MAF: variants seen among roughly 807,000 people sequenced by gnomAD.
MAF encodes the protein MAF bZIP transcription factor.
Under a neutral mutation model 22.0 loss-of-function variants are expected in MAF, and 10 were observed. That is an observed-to-expected ratio of 0.45 (90% confidence interval 0.28 to 0.77). The LOEUF is 0.77. Ranked by LOEUF, MAF falls within the 30% of genes least tolerant of loss-of-function variation. MAF has a pLI of 0.12. For missense variants in MAF, 544 were observed against 548.4 expected (o/e 0.99, Z 0.08); for synonymous variants, 337 against 255.8 (o/e 1.32, Z -3.03).
the MAF span, among the ~76,000 whole-genome samples, chr16:79,437,502 T>A: frequency 6.6e-6 from 1 of 151,964 alleles, no homozygotes; most frequent in African/African-American, 2.4e-5. Flanking sequence ...TTGCATCCCA[T>A]TTTACAGTGA....
chr16:79,516,178 C>T, the MAF span: 2 of 152,070 alleles, frequency 1.3e-5, no homozygotes, highest in Non-Finnish European at 1.5e-5. Flanking sequence ...TCGAACAGGT[C>T]CAAGCTGGGC....
At chr16:79,574,826 G>A in the MAF span, among the ~76,000 whole-genome samples, 1 of 152,108 alleles carries the variant, frequency 6.6e-6, no homozygotes, top group African/African-American at 2.4e-5. Context: ...AGATGAAGCA[G>A]GGGAAATGCA....
At chr16:79,359,708 G>C in the MAF span, among the ~76,000 whole-genome samples, 2 of 152,098 alleles carry the variant, frequency 1.3e-5, no homozygotes, top group Non-Finnish European at 2.9e-5. Context: ...CAAGAGCTTG[G>C]GGGTCAAGCA....
At chr16:79,256,566 G>A in the MAF span, among the ~76,000 whole-genome samples, 1 of 152,118 alleles carries the variant, frequency 6.6e-6, no homozygotes, top group Admixed American at 6.5e-5. Flanking sequence ...GCGTACCTGA[G>A]TTGACAGTGA....
At chr16:79,479,019 AC>A in the MAF span, among the ~76,000 whole-genome samples, 2 of 151,426 alleles carry the variant, frequency 1.3e-5, no homozygotes, top group African/African-American at 4.9e-5. Flanking sequence ...CCTGTGCACC[AC>A]CCCAGCGTAT....
At chr16:79,215,709 A>C in the MAF span, among the ~76,000 whole-genome samples, 1 of 152,174 alleles carries the variant, frequency 6.6e-6, no homozygotes, top group African/African-American at 2.4e-5. Flanking sequence ...GGCTTCATAC[A>C]TTCATTCATT....
the MAF span, among the ~76,000 whole-genome samples, chr16:79,497,596 G>T: frequency 2.0e-5 from 3 of 152,328 alleles, no homozygotes; most frequent in Admixed American, 2.0e-4. Context: ...CAGGCCTCAT[G>T]TGGGTCTACA....
the MAF span, among the ~76,000 whole-genome samples, chr16:79,285,128 C>A: frequency 1.3e-5 from 2 of 152,090 alleles, no homozygotes; most frequent in Non-Finnish European, 2.9e-5. Context: ...AGTTCCTGAC[C>A]CATTTAAATT....
chr16:79,447,604 G>C, the MAF span, among the ~76,000 whole-genome samples: 1 of 152,144 alleles, frequency 6.6e-6, no homozygotes, highest in African/African-American at 2.4e-5. Flanking sequence ...CTTCTGGAAA[G>C]TATTCACCGT....
At chr16:79,422,060 G>A in the MAF span, among the ~76,000 whole-genome samples, 9 of 152,200 alleles carry the variant, frequency 5.9e-5, no homozygotes, top group African/African-American at 2.2e-4. Context: ...TTACAGGTGT[G>A]AGCCACCACG....
chr16:79,549,507 G>C, the MAF span, among the ~76,000 whole-genome samples: 5 of 152,236 alleles, frequency 3.3e-5, no homozygotes, highest in Non-Finnish European at 5.9e-5. Flanking sequence ...TGAAGAACTT[G>C]TGTGGTTTCA....
At chr16:79,247,265 A>C in the MAF span, among the ~76,000 whole-genome samples, 19 of 152,350 alleles carry the variant, frequency 1.2e-4, no homozygotes, top group South Asian at 1.0e-3. Context: ...AAAGGAGAAT[A>C]GTTTAAGAAG....
chr16:79,264,967 C>A, the MAF span, among the ~76,000 whole-genome samples: 306 of 152,244 alleles, frequency 2.0e-3, 1 homozygote, highest in African/African-American at 6.6e-3. Context: ...CTGTGGGAAC[C>A]AGAACTCGCC....
the MAF span, among the ~76,000 whole-genome samples, chr16:79,466,959 C>G: frequency 6.6e-5 from 10 of 152,212 alleles, no homozygotes; most frequent in Non-Finnish European, 8.8e-5. Context: ...AATCTTGGAG[C>G]TTGAGGCCTG....
downstream of MAF, among the ~76,000 whole-genome samples, chr16:79,591,250 C>G (rs1282043011): frequency 6.6e-6 from 1 of 152,164 alleles, no homozygotes; most frequent in Non-Finnish European, 1.5e-5. Flanking sequence ...TGGTCTGCAG[C>G]TCACACCAAG....
At chr16:79,255,982 C>CTTTTTTTTTTTTTTTTT in the MAF span, among the ~76,000 whole-genome samples, 6 of 99,698 alleles carry the variant, frequency 6.0e-5, no homozygotes, top group East Asian at 2.6e-4. Context: ...CTTTTCTTTT[C>CTTTTTTTTTTTTTTTTT]TTTTTTTTTT....
the MAF span, among the ~76,000 whole-genome samples, chr16:79,390,297 T>C: frequency 6.6e-6 from 1 of 152,140 alleles, no homozygotes; most frequent in Admixed American, 6.5e-5. Context: ...TATTATTTTT[T>C]TCACCGACAG....
the MAF span, among the ~76,000 whole-genome samples, chr16:79,309,032 A>G: frequency 1.3e-5 from 2 of 152,198 alleles, no homozygotes; most frequent in Non-Finnish European, 2.9e-5. Context: ...AACCTGGGTG[A>G]TATGAAGGAG....
the MAF span, among the ~76,000 whole-genome samples, chr16:79,457,280 A>G: frequency 6.6e-6 from 1 of 152,118 alleles, no homozygotes; most frequent in South Asian, 2.1e-4. Flanking sequence ...TGGGAGATGT[A>G]AAAGAATTTG....
Sources: gnomAD v4.1 joint callset for allele counts (sites outside exome capture counted in the v4.1 genomes callset) on GRCh38, gnomAD v4.1.1 for gene constraint, MANE v1.5 for transcripts, NCBI Gene and HGNC (gene_info 2026-07-23, HGNC 2026-07-21) for gene names.